The following KCNIP4 variants were observed in gnomAD, a reference collection of about 807,000 sequenced individuals.
The protein encoded by KCNIP4 is potassium voltage-gated channel interacting protein 4.
Under a neutral mutation model 34.0 loss-of-function variants are expected in KCNIP4, and 12 were observed. The ratio of observed to expected loss-of-function variants is 0.35; its 90% confidence interval spans 0.23 to 0.57. The LOEUF (loss-of-function observed/expected upper bound fraction) is 0.57. Among genes scored for constraint, KCNIP4 ranks in the 20% least tolerant of loss-of-function variants. The pLI is 0.83. For synonymous variants in KCNIP4, 124 were observed against 102.2 expected (o/e 1.21, Z -1.29); for missense variants, 238 against 311.7 (o/e 0.76, Z 1.78).
intron 1 of KCNIP4, among the ~76,000 whole-genome samples, chr4:20,954,666 C>T (rs1577428262): frequency 6.6e-6 from 1 of 152,174 alleles, no homozygotes; most frequent in East Asian, 1.9e-4. Flanking sequence ...TAGCTTCATG[C>T]CCATACTTCT....
At chr4:21,028,483 C>T (rs570961558) in intron 1 of KCNIP4, among the ~76,000 whole-genome samples, 17 of 152,244 alleles carry the variant, frequency 1.1e-4, no homozygotes, top group African/African-American at 4.1e-4. Context: ...CATAGAGTCT[C>T]CTTGAATTAA....
chr4:21,470,611 T>C (rs1231310780), intron 1 of KCNIP4, among the ~76,000 whole-genome samples: 1 of 152,136 alleles, frequency 6.6e-6, no homozygotes, highest in African/African-American at 2.4e-5. Flanking sequence ...AATAACCTTC[T>C]GAGTTCCAGC....
intron 1 of KCNIP4, among the ~76,000 whole-genome samples, chr4:21,533,964 T>C (rs114846024): frequency 1.2e-3 from 182 of 152,308 alleles, no homozygotes; most frequent in African/African-American, 4.2e-3. Context: ...GCTACTTAAA[T>C]GATGGTAACA....
At chr4:21,643,240 T>C (rs1023483821) in intron 1 of KCNIP4, among the ~76,000 whole-genome samples, 1 of 152,198 alleles carries the variant, frequency 6.6e-6, no homozygotes, top group Admixed American at 6.5e-5. Context: ...CTTTATATTA[T>C]AGTACTTAAG....
intron 1 of KCNIP4, among the ~76,000 whole-genome samples, chr4:21,704,485 T>C (rs1239370732): frequency 2.6e-5 from 4 of 151,874 alleles, no homozygotes; most frequent in Admixed American, 2.0e-4. Flanking sequence ...GTATCTAGAG[T>C]ATATAAAGAC....
chr4:21,024,222 C>T (rs562448601), intron 1 of KCNIP4, among the ~76,000 whole-genome samples: 2 of 151,986 alleles, frequency 1.3e-5, no homozygotes, highest in African/African-American at 4.8e-5. Context: ...ATGCTTTTTC[C>T]CTTGCGACGT....
intron 1 of KCNIP4, among the ~76,000 whole-genome samples, chr4:21,725,607 T>C (rs957063181): frequency 6.6e-6 from 1 of 152,174 alleles, no homozygotes. Flanking sequence ...TGCATTAGTA[T>C]ATCTGAAGCA....
At chr4:21,105,608 C>T (rs1018394104) in intron 1 of KCNIP4, among the ~76,000 whole-genome samples, 5 of 151,574 alleles carry the variant, frequency 3.3e-5, no homozygotes, top group Non-Finnish European at 7.3e-5. Context: ...GCCTAATTGC[C>T]CTGGCCAGAA....
chr4:21,390,688 C>T (rs926191210), intron 1 of KCNIP4, among the ~76,000 whole-genome samples: 1 of 152,102 alleles, frequency 6.6e-6, no homozygotes, highest in Admixed American at 6.5e-5. Flanking sequence ...CAGTACCATG[C>T]TGTTTTGGTT....
chr4:20,963,727 A>G (rs1734081227), intron 1 of KCNIP4, among the ~76,000 whole-genome samples: 1 of 152,116 alleles, frequency 6.6e-6, no homozygotes, highest in African/African-American at 2.4e-5. Context: ...TTTAAGGATA[A>G]CTGAGCTCAG....
intron 3 of KCNIP4, among the ~76,000 whole-genome samples, chr4:20,769,891 A>C (rs1755725666): frequency 6.6e-6 from 1 of 152,198 alleles, no homozygotes; most frequent in South Asian, 2.1e-4. Flanking sequence ...TCACACTCTG[A>C]TTCTCTCTGA....
chr4:21,919,946 TA>T (rs577829247), intron 1 of KCNIP4, among the ~76,000 whole-genome samples: 15 of 152,126 alleles, frequency 9.9e-5, no homozygotes, highest in South Asian at 4.1e-4. Flanking sequence ...ATGTTATAGT[TA>T]AAAAAAGGTC....
chr4:21,448,710 G>A (rs984273818), intron 1 of KCNIP4, among the ~76,000 whole-genome samples: 1 of 152,074 alleles, frequency 6.6e-6, no homozygotes, highest in South Asian at 2.1e-4. Context: ...GGGTATGGAG[G>A]GACATCCTTT....
chr4:21,320,506 T>C (rs1032067984), intron 1 of KCNIP4, among the ~76,000 whole-genome samples: 2 of 152,198 alleles, frequency 1.3e-5, no homozygotes, highest in African/African-American at 4.8e-5. Flanking sequence ...TGAGATCTTA[T>C]ATGTGTTTAT....
chr4:21,050,549 T>C (rs768578710), intron 1 of KCNIP4, among the ~76,000 whole-genome samples: 1 of 152,160 alleles, frequency 6.6e-6, no homozygotes, highest in African/African-American at 2.4e-5. Context: ...TTAGGAATGC[T>C]CTCAAAATAA....
intron 1 of KCNIP4, among the ~76,000 whole-genome samples, chr4:20,909,259 T>C (rs1353927509): frequency 6.6e-6 from 1 of 152,210 alleles, no homozygotes; most frequent in East Asian, 1.9e-4. Flanking sequence ...GTTTTTCTGC[T>C]TTCTTCACTG....
chr4:21,059,032 T>C (rs1037482969), intron 1 of KCNIP4, among the ~76,000 whole-genome samples: 1 of 152,164 alleles, frequency 6.6e-6, no homozygotes, highest in Non-Finnish European at 1.5e-5. Context: ...CACACTGTCT[T>C]GCCTGCTGCC....
chr4:21,794,888 A>C (rs1720524532), intron 1 of KCNIP4, among the ~76,000 whole-genome samples: 1 of 152,126 alleles, frequency 6.6e-6, no homozygotes, highest in African/African-American at 2.4e-5. Context: ...AGAAACAAAA[A>C]CCAAAAAACG....
chr4:21,233,864 A>G (rs1758986632), intron 1 of KCNIP4, among the ~76,000 whole-genome samples: 1 of 142,852 alleles, frequency 7.0e-6, no homozygotes, highest in Admixed American at 7.3e-5. Flanking sequence ...AGTCAATATG[A>G]CTTTGAGATA....
Sources: gnomAD v4.1 joint callset for allele counts (sites outside exome capture counted in the v4.1 genomes callset) on GRCh38, gnomAD v4.1.1 for gene constraint, MANE v1.5 for transcripts, NCBI Gene and HGNC (gene_info 2026-07-23, HGNC 2026-07-21) for gene names.